Variants in NEO1 observed in about 807,000 individuals in gnomAD.
NEO1 encodes the protein neogenin.
In NEO1, 63 loss-of-function variants were observed where a neutral mutation model predicts 159.7. The observed-to-expected ratio is 0.39, with a 90% CI of 0.32 to 0.49. The LOEUF is 0.49. Among genes scored for constraint, NEO1 ranks in the 20% least tolerant of loss-of-function variants. The pLI is 0.85. For synonymous variants in NEO1, 633 were observed against 662.0 expected (o/e 0.96, Z 0.67); for missense variants, 1,615 against 1,831.0 (o/e 0.88, Z 2.15).
chr15:73,181,352 A>T (rs1220607179), intron 7 of NEO1, among the ~76,000 whole-genome samples: 1 of 152,210 alleles, frequency 6.6e-6, no homozygotes, highest in Admixed American at 6.5e-5. Context: ...CCATTGTGAG[A>T]TGATAAATAC....
Position 73,162,020 on chromosome 15 carries a change from G to C in NEO1, c.1016-14383G>C, listed in dbSNP as rs1040554477. 20 of 236,940 alleles carry C rather than the reference G, an allele frequency of 8.4e-5. No homozygotes were observed. In the South Asian group the frequency reaches 1.3e-3, roughly 15 times the overall value. 14.7% of individuals were successfully genotyped at this position (236,940 alleles called of 1,614,324 possible). The stretch of plus-strand genomic sequence containing the variant: ...TCTTGATCTTGGTGTTGATGGTTTT[G>C]AATCTTTTCCATTTTGGTTTGATTT... On this transcript the variant is annotated intron_variant, in intron 5 of 28. Coordinates refer to ENST00000261908, the MANE Select transcript of NEO1 (RefSeq NM_002499.4).
intron 19 of NEO1, among the ~76,000 whole-genome samples, chr15:73,273,232 A>G (rs1596550741): frequency 6.6e-6 from 1 of 152,088 alleles, no homozygotes; most frequent in South Asian, 2.1e-4. Flanking sequence ...CCTCTGGCCC[A>G]TGTAGGTGTG....
rs1567656136 is a variant in NEO1 at position 73,270,310 on chromosome 15, T to C, written c.2719-6T>C. 4 of 1,614,034 alleles carry C rather than the reference T, an allele frequency of 2.5e-6. No homozygotes were observed. Among genetic ancestry groups the C allele is most frequent in the Middle Eastern group, 1.6e-4 (1 of 6,062 alleles). ...ATTTTAAAGTCTCAATTCATGTTTT[T>C]TTCAGAATGCAAATGCAACCACTTT... is the stretch of plus-strand genomic sequence containing the variant. On this transcript the variant is annotated splice_region_variant and splice_polypyrimidine_tract_variant and intron_variant, in intron 17 of 28. Transcript: ENST00000261908.
At chr15:73,294,773 C>T (rs899462732) in intron 26 of NEO1, among the ~76,000 whole-genome samples, 6 of 152,062 alleles carry the variant, frequency 3.9e-5, no homozygotes, top group African/African-American at 7.2e-5. Flanking sequence ...CTCCTGACCT[C>T]AAGTGATCCG....
chr15:73,076,894 T>C (rs1242323355), intron 1 of NEO1, among the ~76,000 whole-genome samples: 2 of 152,210 alleles, frequency 1.3e-5, no homozygotes, highest in Non-Finnish European at 2.9e-5. Flanking sequence ...CTTAGGTCCT[T>C]CTTCTCTCCA....
chr15:73,274,796 C>CTTTTTTTTTTTTTTTTT (rs201909530), intron 21 of NEO1, 72 bp downstream of exon 21: 1 of 931,096 alleles, frequency 1.1e-6, no homozygotes. Flanking sequence ...GTTTTTGTTT[C>CTTTTTTTTTTTTTTTTT]TTTTTTTTTT....
At chr15:73,216,617 T>C (rs902208089) in intron 7 of NEO1, among the ~76,000 whole-genome samples, 5 of 152,198 alleles carry the variant, frequency 3.3e-5, no homozygotes, top group Non-Finnish European at 7.4e-5. Flanking sequence ...TTTTTAATGA[T>C]TGCCATTCTA....
At chr15:73,145,774 G>A (rs1408234855) in intron 5 of NEO1, among the ~76,000 whole-genome samples, 1 of 152,084 alleles carries the variant, frequency 6.6e-6, no homozygotes, top group Non-Finnish European at 1.5e-5. Flanking sequence ...ACACCAATTA[G>A]GAAGAAGCTT....
At chr15:73,213,292 G>T (rs56157337) in intron 7 of NEO1, among the ~76,000 whole-genome samples, 2 of 151,636 alleles carry the variant, frequency 1.3e-5, no homozygotes, top group African/African-American at 4.9e-5. Context: ...TCATTTTTCC[G>T]TAAGTTATTA....
chr15:73,170,855 T>C (rs1567376489), intron 5 of NEO1, among the ~76,000 whole-genome samples: 1 of 152,196 alleles, frequency 6.6e-6, no homozygotes, highest in Non-Finnish European at 1.5e-5. Flanking sequence ...CTTTACAGAA[T>C]GAGTGATAGA....
chr15:73,090,437 T>C lies in NEO1; in HGVS notation c.131-26103T>C, dbSNP rs2069625014. Among the ~76,000 whole-genome samples, 3 of 152,190 alleles carry C rather than the reference T, an allele frequency of 2.0e-5. No homozygotes were observed. The South Asian group carries it at 6.2e-4, about 32-fold the overall frequency. On this transcript the variant is annotated intron_variant, in intron 1 of 28. Transcript: ENST00000261908. ...GAGAATGAGAGACAGGAGTTAAAAA[T>C]GTCTGGAAGGATTCATACTAATTTG...
At chr15:73,187,907 G>A (rs879019989) in intron 7 of NEO1, among the ~76,000 whole-genome samples, 3 of 152,206 alleles carry the variant, frequency 2.0e-5, no homozygotes, top group East Asian at 1.9e-4. Context: ...TATATTCTAC[G>A]TTGGAAATTC....
At chr15:73,167,891 T>C (rs180874165) in intron 5 of NEO1, among the ~76,000 whole-genome samples, 151 of 152,340 alleles carry the variant, frequency 9.9e-4, no homozygotes, top group African/African-American at 3.4e-3. Context: ...AGCACAAATG[T>C]TGGTGCTGAA....
intron 7 of NEO1, among the ~76,000 whole-genome samples, chr15:73,196,477 G>A (rs1016131470): frequency 1.3e-5 from 2 of 152,202 alleles, no homozygotes; most frequent in African/African-American, 4.8e-5. Flanking sequence ...AGAAACTCCA[G>A]TGTCTGTGAG....
intron 1 of NEO1, among the ~76,000 whole-genome samples, chr15:73,075,349 A>G (rs757595370): frequency 7.2e-5 from 11 of 152,180 alleles, no homozygotes; most frequent in Non-Finnish European, 1.3e-4. Context: ...GAGTTGCATA[A>G]TATAGCTTTT....
At chr15:73,129,324 C>T (rs763727404) in intron 4 of NEO1, among the ~76,000 whole-genome samples, 13 of 151,608 alleles carry the variant, frequency 8.6e-5, no homozygotes, top group Admixed American at 4.0e-4. Context: ...ATTATTTAGA[C>T]CCAAAATTAG....
intron 7 of NEO1, among the ~76,000 whole-genome samples, chr15:73,183,408 A>G (rs2035733102): frequency 6.6e-6 from 1 of 152,156 alleles, no homozygotes; most frequent in Non-Finnish European, 1.5e-5. Flanking sequence ...ATGCAGGCAG[A>G]GACTCATTGA....
At chr15:73,178,253 A>G (rs117539550) in intron 6 of NEO1, 54 bp from the exon 7 acceptor site, 2 of 1,512,238 alleles carry the variant, frequency 1.3e-6, no homozygotes, top group East Asian at 4.6e-5. Flanking sequence ...TGAGATTTTG[A>G]TCTGGTATTT....
intron 25 of NEO1, among the ~76,000 whole-genome samples, chr15:73,291,772 TTTTA>T (rs1345916835): frequency 6.6e-6 from 1 of 152,206 alleles, no homozygotes; most frequent in Non-Finnish European, 1.5e-5. Context: ...CTTTATTTTT[TTTTA>T]TTTACTTACC....
Sources: gnomAD v4.1 joint callset for allele counts (sites outside exome capture counted in the v4.1 genomes callset) on GRCh38, gnomAD v4.1.1 for gene constraint, MANE v1.5 for transcripts, NCBI Gene and HGNC (gene_info 2026-07-23, HGNC 2026-07-21) for gene names.